The following LEF1 variants were observed in gnomAD, a reference collection of about 807,000 sequenced individuals.
The protein encoded by LEF1 is lymphoid enhancer-binding factor 1.
Under a neutral mutation model 51.2 loss-of-function variants are expected in LEF1, and 14 were observed. That is an observed-to-expected ratio of 0.27 (90% CI 0.18 to 0.43). The LOEUF (loss-of-function observed/expected upper bound fraction) is 0.43. LEF1 is among the 20% of genes least tolerant of loss of function. The pLI, the probability that LEF1 is intolerant of heterozygous loss-of-function variation, is 1.00. For synonymous variants in LEF1, 185 were observed against 183.2 expected (o/e 1.01, Z -0.08); for missense variants, 386 against 512.0 (o/e 0.75, Z 2.37).
chr4:108,145,195 G>C (rs1220896112), intron 3 of LEF1, among the ~76,000 whole-genome samples: 2 of 152,164 alleles, frequency 1.3e-5, no homozygotes, highest in Admixed American at 1.3e-4. Flanking sequence ...GCCCCCGTTT[G>C]CTCTGTATGC....
chr4:108,066,006 G>C (rs555011736), intron 9 of LEF1, among the ~76,000 whole-genome samples: 2 of 152,230 alleles, frequency 1.3e-5, no homozygotes, highest in East Asian at 3.9e-4. Context: ...AGGTTCAAGC[G>C]ATGTTCCTGC....
chr4:108,136,627 G>A (rs762840535), intron 3 of LEF1, among the ~76,000 whole-genome samples: 3 of 151,936 alleles, frequency 2.0e-5, no homozygotes, highest in Admixed American at 1.3e-4. Flanking sequence ...CTAGAGTTAC[G>A]ATTCACACAT....
At chr4:108,128,705 AC>A (rs746389740) in intron 3 of LEF1, among the ~76,000 whole-genome samples, 4 of 152,216 alleles carry the variant, frequency 2.6e-5, no homozygotes, top group Non-Finnish European at 5.9e-5. Context: ...ATCGGTATGA[AC>A]CTATTGATTA....
chr4:108,114,829 T>C (rs10516551), intron 3 of LEF1, among the ~76,000 whole-genome samples: 7,897 of 152,274 alleles, frequency 0.052, 675 homozygotes, highest in African/African-American at 0.18. Flanking sequence ...TTCCTTGTTA[T>C]AAATGGAACA....
intron 3 of LEF1, among the ~76,000 whole-genome samples, chr4:108,104,198 G>A (rs1401360557): frequency 6.6e-6 from 1 of 151,848 alleles, no homozygotes; most frequent in Non-Finnish European, 1.5e-5. Flanking sequence ...TGAAATGTCC[G>A]GACCAGGCAA....
intron 11 of LEF1, among the ~76,000 whole-genome samples, chr4:108,058,575 C>T (rs978601934): frequency 3.3e-5 from 5 of 152,152 alleles, no homozygotes; most frequent in Middle Eastern, 3.2e-3. Context: ...CCCCAAATTC[C>T]GCCACCAACC....
At chr4:108,166,815 A>G (rs1745427775) in intron 1 of LEF1, 2 of 985,900 alleles carry the variant, frequency 2.0e-6, no homozygotes, top group African/African-American at 3.5e-5. Context: ...GTTTGTTTCC[A>G]AGTGATGGCG....
At chr4:108,115,846 TACACAC>T (rs55839332) in intron 3 of LEF1, among the ~76,000 whole-genome samples, 257 of 139,370 alleles carry the variant, frequency 1.8e-3, no homozygotes, top group African/African-American at 6.0e-3. Flanking sequence ...ATGTAACACA[TACACAC>T]ACACACACAC....
At chr4:108,099,564 G>GTGTATATATATATA (rs796692179) in intron 3 of LEF1, among the ~76,000 whole-genome samples, 5,520 of 59,148 alleles carry the variant, frequency 0.093, 1,008 homozygotes, top group South Asian at 0.13. Context: ...GTATGTGTGT[G>GTGTATATATATATA]TGTGTGTATA....
intron 3 of LEF1, among the ~76,000 whole-genome samples, chr4:108,135,051 G>A (rs1365654264): frequency 2.0e-5 from 3 of 152,254 alleles, no homozygotes; most frequent in Middle Eastern, 6.8e-3. Flanking sequence ...TGAGAAGGGG[G>A]GTGCTAATAT....
chr4:108,074,930 TAACTCAAAAAAGAAAAAAGAAAA>T (rs139975795), intron 8 of LEF1, among the ~76,000 whole-genome samples: 4,155 of 152,286 alleles, frequency 0.027, 73 homozygotes, highest in Non-Finnish European at 0.039. Context: ...AGGGGGCCCT[TAACTCAAAAAAGAAAAAAGAAAA>T]AACTAAGAGT....
At chr4:108,153,249 A>G (rs1024351756) in intron 3 of LEF1, among the ~76,000 whole-genome samples, 3 of 152,226 alleles carry the variant, frequency 2.0e-5, no homozygotes, top group Admixed American at 2.0e-4. Flanking sequence ...GTTTGGTCTC[A>G]TCTCCAGTTC....
chr4:108,143,958 T>G (rs1353112507), intron 3 of LEF1, among the ~76,000 whole-genome samples: 1 of 152,142 alleles, frequency 6.6e-6, no homozygotes, highest in Non-Finnish European at 1.5e-5. Context: ...TGTGCTGGCC[T>G]ATTTATTTTT....
chr4:108,152,556 C>T (rs888673288), intron 3 of LEF1, among the ~76,000 whole-genome samples: 1 of 152,216 alleles, frequency 6.6e-6, no homozygotes, highest in African/African-American at 2.4e-5. Context: ...AAGGGCCACA[C>T]TTGGAGTCCC....
intron 8 of LEF1, 106 bp downstream of exon 8, chr4:108,078,114 T>G: frequency 1.0e-6 from 1 of 1,003,080 alleles, no homozygotes; most frequent in Non-Finnish European, 1.5e-6. Context: ...TATCTTGAAG[T>G]GCAAACACAT....
At chr4:108,129,701 A>C (rs1370298693) in intron 3 of LEF1, among the ~76,000 whole-genome samples, 1 of 152,204 alleles carries the variant, frequency 6.6e-6, no homozygotes, top group Non-Finnish European at 1.5e-5. Flanking sequence ...CTTTTCAATA[A>C]CAAAATATTC....
chr4:108,120,478 A>T (rs1030660453), intron 3 of LEF1, among the ~76,000 whole-genome samples: 4 of 152,260 alleles, frequency 2.6e-5, no homozygotes, highest in African/African-American at 9.6e-5. Flanking sequence ...GGAAAGAATT[A>T]TTTTAATAGC....
At chr4:108,064,464 G>A in intron 9 of LEF1, 80 bp from the exon 10 acceptor site, 2 of 1,065,842 alleles carry the variant, frequency 1.9e-6, no homozygotes, top group Non-Finnish European at 2.9e-6. Flanking sequence ...AGTACAGGCA[G>A]GTGGTCAACA....
intron 5 of LEF1, 142 bp from the exon 6 acceptor site, chr4:108,081,811 C>T (rs890212537): frequency 3.1e-5 from 20 of 637,728 alleles, no homozygotes; most frequent in South Asian, 1.9e-4. Flanking sequence ...GTTTCAGAAA[C>T]GTAACCGTTC....
Sources: allele counts gnomAD v4.1 joint callset (sites outside exome capture counted in the v4.1 genomes callset), GRCh38; gene constraint gnomAD v4.1.1; transcripts MANE v1.5; gene names NCBI Gene and HGNC (gene_info 2026-07-23, HGNC 2026-07-21).